CENPI: variants seen among roughly 807,000 people sequenced by gnomAD.
CENPI encodes centromere protein I.
CENPI carries 4 observed loss-of-function variants against 60.4 expected under a neutral mutation model. The observed-to-expected ratio is 0.07, with a 90% confidence interval of 0.03 to 0.15. The LOEUF (loss-of-function observed/expected upper bound fraction) is 0.15, where lower values mean the gene tolerates loss of function less well. Ranked by LOEUF, CENPI falls within the 10% of genes least tolerant of loss-of-function variation. CENPI has a pLI of 1.00. For missense variants in CENPI, 444 were observed against 534.5 expected, an observed-to-expected ratio of 0.83 and a Z score of 1.67; for synonymous variants, 157 against 189.4, an observed-to-expected ratio of 0.83 and a Z score of 1.40.
chrX:101,133,267 C>T (rs2089813562), intron 15 of CENPI, among the ~76,000 whole-genome samples: 1 of 107,689 alleles, frequency 9.3e-6, no homozygotes. Flanking sequence ...ATTCACATGA[C>T]ATCCACACCA....
At position 101,165,658 on chromosome X, in the gene CENPI, T is replaced by A. The variant is rs1460030150; in HGVS notation, c.*2691T>A. On this transcript the variant is annotated 3_prime_UTR_variant, in exon 22 of 22. Transcript: ENST00000682095. ...CCTAGTACAGCTAGAGAAGAGAAGG[T>A]AGCAAAAGACAGAGACCTAAGGTAT... 9.0e-6 allele frequency among the ~76,000 whole-genome samples: 1 copy of A among 110,773 alleles called. No homozygotes were observed. Among genetic ancestry groups the A allele is most frequent in the Non-Finnish European group, 1.9e-5 (1 of 52,944 alleles).
intron 8 of CENPI, among the ~76,000 whole-genome samples, chrX:101,121,895 C>T (rs776398696): frequency 1.9e-5 from 2 of 103,214 alleles, no homozygotes; most frequent in South Asian, 9.2e-4. Flanking sequence ...CTCTGTCTCC[C>T]GGGTTCAAGC....
At chrX:101,146,860 G>A (rs752171433) in intron 18 of CENPI, among the ~76,000 whole-genome samples, 6 of 110,414 alleles carry the variant, frequency 5.4e-5, no homozygotes, top group Non-Finnish European at 9.5e-5. Flanking sequence ...TCAGCCTCCC[G>A]AGTAGCTGGG....
chrX:101,140,039 C>T (rs763944315), intron 15 of CENPI, among the ~76,000 whole-genome samples: 61 of 110,229 alleles, frequency 5.5e-4, no homozygotes, highest in Admixed American at 1.7e-3. Flanking sequence ...GGTTTCACCG[C>T]GTTAGCCAGG....
chrX:101,124,194 CA>C (rs2089710508), intron 8 of CENPI, among the ~76,000 whole-genome samples: 1 of 106,381 alleles, frequency 9.4e-6, no homozygotes, highest in Admixed American at 1.0e-4. Flanking sequence ...CTGGTAAGTC[CA>C]AAATCTACCG....
chrX:101,168,710 C>CA (rs1569505322), downstream of CENPI, among the ~76,000 whole-genome samples: 1 of 111,797 alleles, frequency 8.9e-6, no homozygotes, highest in African/African-American at 3.3e-5. Flanking sequence ...AACAAACTAA[C>CA]AAAAAATCTA....
rs375008158 is a variant in CENPI at position 101,120,710 on chromosome X, T to G, written c.641-28T>G. 4 of 1,183,913 alleles carry G rather than the reference T, an allele frequency of 3.4e-6. No homozygotes were observed. The African/African-American group carries it at 7.1e-5, about 21-fold the overall frequency. On this transcript the variant is annotated intron_variant, in intron 7 of 21. Transcript: ENST00000682095. ...TCTTTTTATTCTGAATCCAAATGCATAGTACGTCTTTCCTTTATGTTTTCT... is the reference window on the plus strand; with the variant it reads ...TCTTTTTATTCTGAATCCAAATGCAGAGTACGTCTTTCCTTTATGTTTTCT...
intron 3 of CENPI, among the ~76,000 whole-genome samples, chrX:101,101,983 C>T (rs1369700123): frequency 8.9e-6 from 1 of 112,158 alleles, no homozygotes; most frequent in Non-Finnish European, 1.9e-5. Flanking sequence ...AAGTGATCCT[C>T]CCATCTCAGC....
At chrX:101,156,483 GTTTA>G (rs896344628) in intron 20 of CENPI, among the ~76,000 whole-genome samples, 9 of 111,534 alleles carry the variant, frequency 8.1e-5, no homozygotes, top group Admixed American at 2.9e-4. Flanking sequence ...TTATTTATTT[GTTTA>G]TTTATTTATT....
chrX:101,136,042 T>TA (rs2089845183), intron 15 of CENPI, among the ~76,000 whole-genome samples: 1 of 112,630 alleles, frequency 8.9e-6, no homozygotes, highest in South Asian at 3.7e-4. Flanking sequence ...TCTTTTAAAT[T>TA]AAATCTGATT....
chrX:101,118,790 C>T (rs1280574545), intron 6 of CENPI, among the ~76,000 whole-genome samples: 2 of 107,086 alleles, frequency 1.9e-5, no homozygotes, highest in African/African-American at 6.6e-5. Flanking sequence ...TAGTTCATAT[C>T]CTTAAGCATA....
intron 20 of CENPI, among the ~76,000 whole-genome samples, chrX:101,152,189 G>A (rs148093409): frequency 0.014 from 1,520 of 105,250 alleles, 6 homozygotes; most frequent in Non-Finnish European, 0.021. Flanking sequence ...CTCAGCCCCC[G>A]ATAGCTGGGA....
rs1158866801 is a variant in CENPI at position 101,163,989 on chromosome X, C to T, written c.*1022C>T. Among the ~76,000 whole-genome samples, 2 of 103,331 alleles carry T rather than the reference C, an allele frequency of 1.9e-5. No homozygotes were observed. The highest frequency in any genetic ancestry group is 3.6e-5 in the African/African-American group (1 of 28,058). The allele number at this position is 103,331 out of a possible 115,157, so 89.7% of individuals were successfully genotyped here. A position where few individuals can be genotyped will look rare whatever the true frequency, so the allele number is the denominator to read the frequency against. On this transcript the variant is annotated 3_prime_UTR_variant, in exon 22 of 22. Coordinates refer to ENST00000682095, the MANE Select transcript of CENPI (RefSeq NM_001386188.2). ...GGCGGAGGTTGCAGTGAGCCAAGAT[C>T]GCGCCACTGCACTCCAGCGAGACTC...
intron 8 of CENPI, among the ~76,000 whole-genome samples, chrX:101,123,166 C>A (rs1227363289): frequency 4.5e-5 from 5 of 112,118 alleles, no homozygotes; most frequent in African/African-American, 1.6e-4. Flanking sequence ...TAGCTATGTT[C>A]ATATGTAACC....
chrX:101,161,386 A>G (rs1309201885), intron 20 of CENPI, 142 bp from the exon 21 acceptor site: 4 of 480,523 alleles, frequency 8.3e-6, no homozygotes, highest in Non-Finnish European at 1.4e-5. Context: ...GAGTGATGGT[A>G]GGAATAGAAC....
chrX:101,098,723 G>T (rs1033221743), intron 2 of CENPI, 184 bp downstream of exon 2: 14 of 111,356 alleles, frequency 1.3e-4, no homozygotes, highest in African/African-American at 4.6e-4. Flanking sequence ...CCTAGTGCAG[G>T]CTACAGTCAA....
rs759063759 is a variant in CENPI at position 101,101,167 on chromosome X, A to G, written c.97A>G (p.Lys33Glu). ...GACCACGCTTTCAGCCTGGAAAGTA[A>G]AACAGGATCCAAGCAACTCGAAGAA... Reference protein sequence around the residue: ...FQTTLSAWKVKQDPSNSKNIS... With the variant: ...FQTTLSAWKVEQDPSNSKNIS... The change falls in exon 3 of 22, where the codon AAA becomes GAA. Residue 33 changes from lysine to glutamate, a missense_variant. Lys to Glu is a moderately conservative substitution (Grantham distance 56). Coordinates refer to ENST00000682095, the MANE Select transcript of CENPI (RefSeq NM_001386188.2). 4 of 1,208,645 alleles carry G rather than the reference A, an allele frequency of 3.3e-6. No homozygotes were observed. The highest frequency in any genetic ancestry group is 1.7e-5 in the African/African-American group (1 of 57,176).
In CENPI at chrX:101,145,208, C is replaced by T; in HGVS notation, c.1701+9C>T. 1 of 1,186,361 alleles carries T rather than the reference C, an allele frequency of 8.4e-7. No homozygotes were observed. The highest frequency in any genetic ancestry group is 1.1e-6 in the Non-Finnish European group (1 of 878,809). ...TGGATTTCTATGAGAAGGTAGTACA[C>T]ATTACATTTTCCCCATTTGGATTTA... On this transcript the variant is annotated intron_variant, in intron 17 of 21. Coordinates refer to ENST00000682095, the MANE Select transcript of CENPI (RefSeq NM_001386188.2).
intron 18 of CENPI, among the ~76,000 whole-genome samples, chrX:101,147,081 A>T (rs2089968682): frequency 8.9e-6 from 1 of 111,912 alleles, no homozygotes; most frequent in African/African-American, 3.2e-5. Context: ...TGTCAAGGTT[A>T]AAATGTTTAA....
Sources: allele counts gnomAD v4.1 joint callset (sites outside exome capture counted in the v4.1 genomes callset), GRCh38; gene constraint gnomAD v4.1.1; transcripts MANE v1.5; gene names NCBI Gene and HGNC (gene_info 2026-07-23, HGNC 2026-07-21).